MCTP1: variants seen among roughly 807,000 people sequenced by gnomAD.
MCTP1 encodes multiple C2 and transmembrane domain containing 1.
In MCTP1, 69 loss-of-function variants were observed where a neutral mutation model predicts 120.6. The ratio of observed to expected loss-of-function variants is 0.57; its 90% CI spans 0.47 to 0.70. The LOEUF is 0.70. MCTP1 is among the 30% of genes least tolerant of loss of function. The pLI, the probability that MCTP1 is intolerant of heterozygous loss-of-function variation, is 0.00. For synonymous variants in MCTP1, 529 were observed against 493.1 expected (o/e 1.07, Z -0.96); for missense variants, 1,203 against 1,248.8 (o/e 0.96, Z 0.55).
chr5:95,189,326 T>C (rs1469626684), intron 1 of MCTP1, among the ~76,000 whole-genome samples: 1 of 152,184 alleles, frequency 6.6e-6, no homozygotes, highest in Non-Finnish European at 1.5e-5. Flanking sequence ...CAGGCCTTTC[T>C]AGGATGATGG....
At chr5:95,128,503 T>C (rs1758796509) in intron 1 of MCTP1, among the ~76,000 whole-genome samples, 2 of 152,248 alleles carry the variant, frequency 1.3e-5, no homozygotes. Context: ...AGAAATGAAG[T>C]ACTGATACAT....
chr5:95,090,329 T>A (rs1755747716), intron 1 of MCTP1, among the ~76,000 whole-genome samples: 1 of 152,176 alleles, frequency 6.6e-6, no homozygotes, highest in African/African-American at 2.4e-5. Context: ...TTAAAAAAAA[T>A]TGGTGCTAAT....
At chr5:95,256,443 G>A (rs982946929) in intron 1 of MCTP1, among the ~76,000 whole-genome samples, 2 of 152,152 alleles carry the variant, frequency 1.3e-5, no homozygotes, top group African/African-American at 4.8e-5. Context: ...CATGGGAGGA[G>A]AGCTGGAAGG....
At chr5:95,025,969 T>G (rs1028888015) in intron 1 of MCTP1, among the ~76,000 whole-genome samples, 19 of 152,248 alleles carry the variant, frequency 1.2e-4, no homozygotes, top group African/African-American at 4.6e-4. Context: ...CCCAGTGACT[T>G]TAGGCTCTGC....
chr5:94,967,478 T>C (rs903920721), intron 2 of MCTP1, among the ~76,000 whole-genome samples: 1 of 152,192 alleles, frequency 6.6e-6, no homozygotes, highest in Non-Finnish European at 1.5e-5. Context: ...TGAACTTAAC[T>C]GCTACACTAG....
intron 1 of MCTP1, among the ~76,000 whole-genome samples, chr5:95,282,738 A>T (rs1409592466): frequency 6.6e-6 from 1 of 152,236 alleles, no homozygotes; most frequent in African/African-American, 2.4e-5. Context: ...GGAACAAAAC[A>T]TATTCATATT....
chr5:95,229,150 C>T (rs1293276750), intron 1 of MCTP1, among the ~76,000 whole-genome samples: 1 of 152,214 alleles, frequency 6.6e-6, no homozygotes, highest in Non-Finnish European at 1.5e-5. Context: ...TTTTACCTAA[C>T]ACTGGCAAGA....
At chr5:94,913,157 T>C (rs1809208416) in intron 8 of MCTP1, among the ~76,000 whole-genome samples, 181 bp from the exon 9 acceptor site, 1 of 152,026 alleles carries the variant, frequency 6.6e-6, no homozygotes, top group Non-Finnish European at 1.5e-5. Context: ...TATGAAATTA[T>C]CATTTCATGA....
chr5:95,000,565 A>G (rs1235453171), intron 2 of MCTP1, among the ~76,000 whole-genome samples: 4 of 152,194 alleles, frequency 2.6e-5, no homozygotes, highest in Admixed American at 2.0e-4. Flanking sequence ...TTTTAACAAA[A>G]AAGTCTAAAA....
chr5:94,796,735 C>T (rs898865947), intron 18 of MCTP1, among the ~76,000 whole-genome samples: 10 of 150,784 alleles, frequency 6.6e-5, no homozygotes, highest in Non-Finnish European at 1.3e-4. Flanking sequence ...TTCAAATGCA[C>T]AGCTGGATAT....
intron 1 of MCTP1, among the ~76,000 whole-genome samples, chr5:95,268,283 G>A (rs951807131): frequency 2.6e-5 from 4 of 152,212 alleles, no homozygotes; most frequent in Admixed American, 1.3e-4. Flanking sequence ...TTGAGGAAGG[G>A]AGAAAGAGAA....
chr5:95,266,450 G>T (rs919954828), intron 1 of MCTP1, among the ~76,000 whole-genome samples: 1 of 152,156 alleles, frequency 6.6e-6, no homozygotes, highest in Non-Finnish European at 1.5e-5. Flanking sequence ...TCTGAAAAGG[G>T]TTTATGATAC....
At chr5:95,136,551 G>A (rs1284862974) in intron 1 of MCTP1, among the ~76,000 whole-genome samples, 1 of 152,134 alleles carries the variant, frequency 6.6e-6, no homozygotes, top group Non-Finnish European at 1.5e-5. Flanking sequence ...CAAGGGGGAG[G>A]GAAGTGGGGA....
At chr5:95,096,912 A>G (rs1255237740) in intron 1 of MCTP1, among the ~76,000 whole-genome samples, 1 of 152,204 alleles carries the variant, frequency 6.6e-6, no homozygotes, top group Non-Finnish European at 1.5e-5. Context: ...TGTTCTAAAT[A>G]GCTTAGACGG....
chr5:94,946,483 G>T (rs1305712476), intron 3 of MCTP1, among the ~76,000 whole-genome samples: 2 of 152,116 alleles, frequency 1.3e-5, no homozygotes, highest in African/African-American at 4.8e-5. Flanking sequence ...CCATAGAAAA[G>T]GTAAAAAGAG....
rs1304890199 is a variant in MCTP1 at position 94,902,179 on chromosome 5, T to C, written c.1652+7072A>G. Among the ~76,000 whole-genome samples the C allele has an allele frequency of 2.6e-5, 4 of 152,160 alleles. No individual in the cohort carries two copies. The East Asian group carries it at 5.8e-4, about 22-fold the overall frequency. ...TTAAAAGATCCCACCAAAGGAACTGTGGATAGAAGATAACACTAATTGAAC... is the reference window on the plus strand; with the variant it reads ...TTAAAAGATCCCACCAAAGGAACTGCGGATAGAAGATAACACTAATTGAAC... On this transcript the variant is annotated intron_variant, in intron 10 of 22. Coordinates refer to ENST00000515393, the MANE Select transcript of MCTP1 (RefSeq NM_024717.7).
intron 19 of MCTP1, among the ~76,000 whole-genome samples, chr5:94,753,089 T>C (rs1768884122): frequency 6.6e-6 from 1 of 152,152 alleles, no homozygotes; most frequent in Non-Finnish European, 1.5e-5. Context: ...AACTCTCAGG[T>C]CCTAATTACC....
chr5:94,786,848 A>G (rs1018929823), intron 18 of MCTP1, among the ~76,000 whole-genome samples: 2 of 152,228 alleles, frequency 1.3e-5, no homozygotes, highest in East Asian at 3.8e-4. Flanking sequence ...AGTCCATTAA[A>G]TATTAAAATT....
intron 19 of MCTP1, among the ~76,000 whole-genome samples, chr5:94,741,436 T>C (rs1163423284): frequency 6.6e-6 from 1 of 152,226 alleles, no homozygotes; most frequent in Admixed American, 6.5e-5. Flanking sequence ...CATTTATATC[T>C]GCTTTTGGTA....
Sources: allele counts gnomAD v4.1 joint callset (sites outside exome capture counted in the v4.1 genomes callset), GRCh38; gene constraint gnomAD v4.1.1; transcripts MANE v1.5; gene names NCBI Gene and HGNC (gene_info 2026-07-23, HGNC 2026-07-21).